The following GALNT14 variants were observed in gnomAD, a reference collection of about 807,000 sequenced individuals.
GALNT14 encodes the protein polypeptide N-acetylgalactosaminyltransferase 14.
Under a neutral mutation model 77.5 loss-of-function variants are expected in GALNT14, and 60 were observed. The observed-to-expected ratio is 0.77, with a 90% CI of 0.63 to 0.96. The LOEUF (loss-of-function observed/expected upper bound fraction) is 0.96. GALNT14 is among the 40% of genes least tolerant of loss of function. The pLI, the probability that GALNT14 is intolerant of heterozygous loss-of-function variation, is 0.00. For missense variants in GALNT14, 710 were observed against 731.0 expected (o/e 0.97, Z 0.33); for synonymous variants, 280 against 281.7 (o/e 0.99, Z 0.06).
At chr2:31,048,087 C>A (rs962907079) in intron 1 of GALNT14, among the ~76,000 whole-genome samples, 6 of 152,246 alleles carry the variant, frequency 3.9e-5, no homozygotes, top group Non-Finnish European at 7.3e-5. Context: ...AAATGCCCAA[C>A]AGCCAGCTCC....
At chr2:30,966,536 G>A (rs1360837882) in intron 2 of GALNT14, among the ~76,000 whole-genome samples, 3 of 152,164 alleles carry the variant, frequency 2.0e-5, no homozygotes, top group Non-Finnish European at 4.4e-5. Flanking sequence ...GGGGAACCTA[G>A]GCTTGGAGAC....
chr2:30,900,012 G>A, the GALNT14 span, among the ~76,000 whole-genome samples: 2 of 152,238 alleles, frequency 1.3e-5, no homozygotes, highest in South Asian at 4.1e-4. Flanking sequence ...GATTAGGGCA[G>A]GATGATGGCT....
At chr2:31,122,623 A>C (rs184804858) in intron 1 of GALNT14, among the ~76,000 whole-genome samples, 2 of 152,336 alleles carry the variant, frequency 1.3e-5, no homozygotes, top group African/African-American at 2.4e-5. Flanking sequence ...TATAAGAGAC[A>C]CTAACCCTTC....
intron 1 of GALNT14, among the ~76,000 whole-genome samples, chr2:31,092,202 A>G (rs1021455963): frequency 5.9e-5 from 9 of 151,966 alleles, no homozygotes; most frequent in African/African-American, 2.2e-4. Context: ...GCTTGCAGAC[A>G]GTCTATTGTG....
intron 1 of GALNT14, among the ~76,000 whole-genome samples, chr2:31,106,185 C>T (rs546843201): frequency 6.6e-6 from 1 of 152,188 alleles, no homozygotes; most frequent in Non-Finnish European, 1.5e-5. Flanking sequence ...TTGCCCAACA[C>T]CCAAATTCGT....
chr2:31,106,014 C>T (rs904158387), intron 1 of GALNT14, among the ~76,000 whole-genome samples: 2 of 152,146 alleles, frequency 1.3e-5, no homozygotes, highest in African/African-American at 4.8e-5. Context: ...AATCTTCCAA[C>T]CATTCTAGCC....
At chr2:31,054,649 T>C (rs1674098491) in intron 1 of GALNT14, among the ~76,000 whole-genome samples, 2 of 152,190 alleles carry the variant, frequency 1.3e-5, no homozygotes, top group Admixed American at 1.3e-4. Context: ...TCATAACAGG[T>C]CACTGCAAGC....
the GALNT14 span, among the ~76,000 whole-genome samples, chr2:30,904,567 C>CG: frequency 6.6e-6 from 1 of 152,224 alleles, no homozygotes; most frequent in South Asian, 2.1e-4. Context: ...CCTATGCCCA[C>CG]GGAGTCTCGC....
rs1381633798 is a variant in GALNT14 at position 31,010,410 on chromosome 2, T to C, written c.130-17403A>G. 4.6e-5 allele frequency among the ~76,000 whole-genome samples: 7 copies of C among 152,278 alleles called. No individual in the cohort carries two copies. In the South Asian group the frequency reaches 8.3e-4, roughly 18 times the overall value. ...GTCAGGAGATCCAGACCATCCTGGC[T>C]AACACGGTAAAACCCCATCTCTACT... On this transcript the variant is annotated intron_variant, in intron 1 of 14. Coordinates refer to ENST00000349752, the MANE Select transcript of GALNT14 (RefSeq NM_024572.4).
At chr2:30,949,896 G>A (rs184249499) in intron 6 of GALNT14, among the ~76,000 whole-genome samples, 1 of 152,248 alleles carries the variant, frequency 6.6e-6, no homozygotes, top group Admixed American at 6.5e-5. Flanking sequence ...GGGAGGGGTG[G>A]GGAACACAGG....
At chr2:30,958,351 G>A (rs200540695) in intron 4 of GALNT14, 46 bp downstream of exon 4, 1 of 1,536,322 alleles carries the variant, frequency 6.5e-7, no homozygotes, top group African/African-American at 1.4e-5. Context: ...AGAGTGGCTG[G>A]GAACAGACAT....
intron 1 of GALNT14, among the ~76,000 whole-genome samples, chr2:31,105,686 C>T (rs1371575331): frequency 1.3e-5 from 2 of 151,936 alleles, no homozygotes; most frequent in Non-Finnish European, 2.9e-5. Context: ...GATCATACCA[C>T]TGTACTCCAG....
intron 8 of GALNT14, among the ~76,000 whole-genome samples, chr2:30,944,649 C>T (rs1666576442): frequency 6.6e-6 from 1 of 152,186 alleles, no homozygotes; most frequent in African/African-American, 2.4e-5. Context: ...CACACCTCAG[C>T]ACAGGCCTCT....
At chr2:30,981,723 T>A (rs1337370097) in intron 2 of GALNT14, among the ~76,000 whole-genome samples, 2 of 152,126 alleles carry the variant, frequency 1.3e-5, no homozygotes, top group Non-Finnish European at 1.5e-5. Flanking sequence ...ACTTACTTAG[T>A]ACCTAAGCCA....
intron 1 of GALNT14, among the ~76,000 whole-genome samples, chr2:31,038,784 C>G (rs372634964): frequency 6.7e-6 from 1 of 148,754 alleles, no homozygotes; most frequent in South Asian, 2.1e-4. Context: ...CTCACTGTGT[C>G]GCCCAGGCTG....
intron 1 of GALNT14, chr2:31,129,733 A>C: frequency 9.6e-6 from 6 of 624,548 alleles, no homozygotes; most frequent in East Asian, 1.4e-4. Flanking sequence ...GGGGGGTGGG[A>C]GGGACATCAA....
chr2:30,900,007 G>C, the GALNT14 span, among the ~76,000 whole-genome samples: 1 of 152,320 alleles, frequency 6.6e-6, no homozygotes, highest in Admixed American at 6.5e-5. Flanking sequence ...GGATGGATTA[G>C]GGCAGGATGA....
At chr2:31,024,867 G>C (rs568649842) in intron 1 of GALNT14, among the ~76,000 whole-genome samples, 85 of 152,246 alleles carry the variant, frequency 5.6e-4, no homozygotes, top group African/African-American at 2.0e-3. Context: ...ACCCCACACG[G>C]CAGGGCTCTA....
chr2:31,014,121 G>C (rs943111689), intron 1 of GALNT14, among the ~76,000 whole-genome samples: 2 of 152,018 alleles, frequency 1.3e-5, no homozygotes, highest in African/African-American at 4.8e-5. Context: ...CTGTAAAATG[G>C]GGAGAATAAT....
Sources: gnomAD v4.1 joint callset for allele counts (sites outside exome capture counted in the v4.1 genomes callset) on GRCh38, gnomAD v4.1.1 for gene constraint, MANE v1.5 for transcripts, NCBI Gene and HGNC (gene_info 2026-07-23, HGNC 2026-07-21) for gene names.